The following RRP1B variants were observed in gnomAD, a reference collection of about 807,000 sequenced individuals.
The protein encoded by RRP1B is ribosomal RNA processing protein 1 homolog B.
In RRP1B, 56 loss-of-function variants were observed where a neutral mutation model predicts 80.2. The ratio of observed to expected loss-of-function variants is 0.70; its 90% CI spans 0.56 to 0.87. RRP1B has a LOEUF of 0.87. Ranked by LOEUF, RRP1B falls within the 40% of genes least tolerant of loss-of-function variation. The probability of loss-of-function intolerance (pLI) is 0.00; values close to 1 mark genes in which losing one functional copy is unlikely to be tolerated. For missense variants in RRP1B, 807 were observed against 939.8 expected (o/e 0.86, Z 1.85); for synonymous variants, 351 against 357.6 (o/e 0.98, Z 0.21).
rs779340273 is a variant in RRP1B, at chr21:43,688,291, GTCCATGGGGC to G, written c.1866+56_1866+65del. 7.5e-6 allele frequency: 11 copies of G among 1,475,180 alleles called. No individual in the cohort carries two copies. The East Asian group carries it at 2.7e-4, about 36-fold the overall frequency. The allele number at this position is 1,475,180 out of a possible 1,614,324, so 91.4% of individuals were successfully genotyped here. A position where few individuals can be genotyped will look rare whatever the true frequency, so the allele number is the denominator to read the frequency against. ...GCTCGCCACAGAGGCACTCACTCGC[GTCCATGGGGC>G]TCCACTGCCTCCTGAGAGGAAGGGT... is the stretch of plus-strand genomic sequence containing the variant. On this transcript the variant is annotated intron_variant, in intron 13 of 15. Transcript: ENST00000340648.
rs1568955941 is a variant in RRP1B, at chr21:43,672,358, A to T, written c.264A>T (p.Ser88=). Residue 88 remains serine (S), a synonymous_variant, in exon 3 of 16, where the codon TCA becomes TCT. Coordinates refer to ENST00000340648, the MANE Select transcript of RRP1B (RefSeq NM_015056.3). The part of the protein sequence containing the change: ...IAQLVHAVNN[S]AAQHLFIQTF... ...AGCTAGTCCATGCTGTTAACAACTC[A>T]GCGGCTCGTAAGTCCTGTTGTTTCT... The T allele has an allele frequency of 6.2e-7, 1 of 1,613,884 alleles. No homozygotes were observed. Among genetic ancestry groups the T allele is most frequent in the Middle Eastern group, 1.6e-4 (1 of 6,062 alleles).
At chr21:43,668,658 C>T (rs2082987977) in intron 1 of RRP1B, among the ~76,000 whole-genome samples, 1 of 152,112 alleles carries the variant, frequency 6.6e-6, no homozygotes, top group South Asian at 2.1e-4. Flanking sequence ...CATGAGCCAC[C>T]GCGTCTGGCC....
intron 9 of RRP1B, 33 bp from the exon 10 acceptor site, chr21:43,684,520 G>A: frequency 6.3e-7 from 1 of 1,580,048 alleles, no homozygotes; most frequent in East Asian, 2.2e-5. Flanking sequence ...TTGTTTGGCT[G>A]CAGACTTATG....
intron 8 of RRP1B, 94 bp from the exon 9 acceptor site, chr21:43,683,185 A>G: frequency 1.0e-6 from 1 of 1,004,910 alleles, no homozygotes; most frequent in Non-Finnish European, 1.5e-6. Flanking sequence ...CTTTTTTGCT[A>G]AGAGACACCT....
At chr21:43,683,790 G>C (rs939270455) in intron 9 of RRP1B, among the ~76,000 whole-genome samples, 1 of 151,832 alleles carries the variant, frequency 6.6e-6, no homozygotes, top group African/African-American at 2.4e-5. Flanking sequence ...GACCAGCCTG[G>C]CCAACACAGT....
intron 4 of RRP1B, among the ~76,000 whole-genome samples, chr21:43,674,377 G>A (rs77836722): frequency 0.013 from 2,004 of 152,202 alleles, 46 homozygotes; most frequent in African/African-American, 0.044. Flanking sequence ...GGGTGGTCTT[G>A]AACTCCTGGC....
chr21:43,687,117 G>A (rs1029558908), intron 12 of RRP1B, among the ~76,000 whole-genome samples, 182 bp downstream of exon 12: 5 of 152,172 alleles, frequency 3.3e-5, no homozygotes, highest in South Asian at 2.1e-4. Context: ...TGGTGGAGCC[G>A]CGTCCCCACC....
intron 1 of RRP1B, among the ~76,000 whole-genome samples, chr21:43,667,612 A>G (rs188475720): frequency 2.4e-4 from 36 of 152,302 alleles, no homozygotes; most frequent in African/African-American, 8.4e-4. Flanking sequence ...AAAGCCTTCA[A>G]TTCACTGGGG....
At chr21:43,665,756 A>G (rs1409710636) in intron 1 of RRP1B, among the ~76,000 whole-genome samples, 1 of 152,054 alleles carries the variant, frequency 6.6e-6, no homozygotes, top group African/African-American at 2.4e-5. Flanking sequence ...GCTATGTGAC[A>G]TGACAACTCC....
In RRP1B at chr21:43,683,384, G is replaced by A. The variant is rs752136562; in HGVS notation, c.891+11G>A. On this transcript the variant is annotated intron_variant, in intron 9 of 15. Coordinates refer to ENST00000340648, the MANE Select transcript of RRP1B (RefSeq NM_015056.3). ...GGGCCCCTTCTCCAGGTGGGTAGCA[G>A]TTGTTGCTTTTTATAGAATATAGAT... The A allele has an allele frequency of 1.2e-6, 2 of 1,606,662 alleles. No homozygotes were observed. Among genetic ancestry groups the A allele is most frequent in the African/African-American group, 2.7e-5 (2 of 74,750 alleles).
chr21:43,688,291 G>A (rs1184638389), intron 13 of RRP1B, 51 bp downstream of exon 13: 22 of 1,475,298 alleles, frequency 1.5e-5, no homozygotes, highest in South Asian at 6.9e-5. Flanking sequence ...ACTCACTCGC[G>A]TCCATGGGGC....
In RRP1B at chr21:43,694,159, GCA is replaced by G; in HGVS notation, c.*780_*781del. ...CCTTCTGCTGAGGTCCTTGCGTGGA[GCA>G]CACTCATTCCTCCAAGCCCTTGCGC... On this transcript the variant is annotated 3_prime_UTR_variant, in exon 16 of 16. Coordinates refer to ENST00000340648, the MANE Select transcript of RRP1B (RefSeq NM_015056.3). The G allele has an allele frequency of 6.6e-6, 1 of 152,628 alleles. No homozygotes were observed. The highest frequency in any genetic ancestry group is 1.9e-4 in the East Asian group (1 of 5,166). 9.5% of individuals were successfully genotyped at this position (152,628 alleles called of 1,614,324 possible). A position where few individuals can be genotyped will look rare whatever the true frequency, so the allele number is the denominator to read the frequency against.
In RRP1B at chr21:43,691,758, G is replaced by A. The variant is rs1356618659; in HGVS notation, c.2083+256G>A. On this transcript the variant is annotated intron_variant, in intron 15 of 15. Coordinates refer to ENST00000340648, the MANE Select transcript of RRP1B (RefSeq NM_015056.3). This position sits in a 1 kb window ranked among gnomAD's most constrained non-coding sequence, Gnocchi z 4.2. ...AGGTTCAAGCGATTCTCCTGCCTCA[G>A]GCTGCCGGGTAGCGGGTAGCTGGGA... Among the ~76,000 whole-genome samples, 1 of 152,052 alleles carries A rather than the reference G, an allele frequency of 6.6e-6. No homozygotes were observed. The highest frequency in any genetic ancestry group is 1.5e-5 in the Non-Finnish European group (1 of 67,978).
At chr21:43,668,039 C>T (rs1483269668) in intron 1 of RRP1B, among the ~76,000 whole-genome samples, 1 of 152,036 alleles carries the variant, frequency 6.6e-6, no homozygotes, top group Non-Finnish European at 1.5e-5. Flanking sequence ...GAAACCTTGT[C>T]TCCACTAAAA....
Position 43,690,380 on chromosome 21 carries a change from C to T in RRP1B, c.1959C>T (p.Pro653=). The change falls in exon 14 of 16, where the codon CCC becomes CCT. Residue 653 remains proline (P), a synonymous_variant. Coordinates refer to ENST00000340648, the MANE Select transcript of RRP1B (RefSeq NM_015056.3). The part of the protein sequence containing the change: ...VKFDTPFLPK[P]LFFRRAKSST... ...TTGACACCCCCTTCTTACCAAAGCCCCTGTTCTTCAGAAGAGCCAAGAGCA... is the reference window on the plus strand; with the variant it reads ...TTGACACCCCCTTCTTACCAAAGCCTCTGTTCTTCAGAAGAGCCAAGAGCA... The T allele has an allele frequency of 6.2e-7, 1 of 1,614,208 alleles. No individual in the cohort carries two copies.
At chr21:43,690,880 C>T (rs1265305003) in intron 14 of RRP1B, among the ~76,000 whole-genome samples, 3 of 152,190 alleles carry the variant, frequency 2.0e-5, no homozygotes, top group Non-Finnish European at 2.9e-5. Flanking sequence ...TTGTGGTGAA[C>T]TGTTGGGATA....
In RRP1B at chr21:43,659,929, C is replaced by G. The variant is rs1441419747; in HGVS notation, c.130+135C>G. On this transcript the variant is annotated intron_variant, in intron 1 of 15. Coordinates refer to ENST00000340648, the MANE Select transcript of RRP1B (RefSeq NM_015056.3). The surrounding 1 kb of genome is among the most constrained non-coding windows in gnomAD (Gnocchi z 4.2). ...CCCAGCGTGTGCTTCGGTTTCCGCG[C>G]TGCCGGAACCGCTTCTTGCTGTGTC... 1.0e-6 allele frequency: 1 copy of G among 999,214 alleles called. No individual in the cohort carries two copies. Among genetic ancestry groups the G allele is most frequent in the Non-Finnish European group, 1.3e-6 (1 of 741,248 alleles). 61.9% of individuals were successfully genotyped at this position (999,214 alleles called of 1,614,324 possible). A position where few individuals can be genotyped will look rare whatever the true frequency, so the allele number is the denominator to read the frequency against.
chr21:43,685,744 T>G lies in RRP1B; in HGVS notation c.990-26T>G, dbSNP rs773627417. The G allele has an allele frequency of 2.0e-4, 294 of 1,444,732 alleles. 2 individuals are homozygous for G. The highest frequency in any genetic ancestry group is 6.8e-4 in the Middle Eastern group (3 of 4,432). The allele number at this position is 1,444,732 out of a possible 1,614,324, so 89.5% of individuals were successfully genotyped here. ...ATGAACATTTGTTATTTTTTTATTT[T>G]TTATTTTTTATTTTTTTATTTTTAG... On this transcript the variant is annotated intron_variant, in intron 10 of 15. Coordinates refer to ENST00000340648, the MANE Select transcript of RRP1B (RefSeq NM_015056.3).
intron 10 of RRP1B, 145 bp downstream of exon 10, chr21:43,684,795 C>A: frequency 1.5e-6 from 1 of 654,870 alleles, no homozygotes; most frequent in Non-Finnish European, 2.7e-6. Context: ...GTAATAGACA[C>A]ATGTAAACTG....
Sources: gnomAD v4.1 joint callset for allele counts (sites outside exome capture counted in the v4.1 genomes callset) on GRCh38, gnomAD v4.1.1 for gene constraint, Gnocchi (gnomAD v3.1) non-coding constraint, MANE v1.5 for transcripts, NCBI Gene and HGNC (gene_info 2026-07-23, HGNC 2026-07-21) for gene names.